The following TTK variants were observed in gnomAD, a reference collection of about 807,000 sequenced individuals.
TTK encodes TTK protein kinase.
TTK carries 59 observed loss-of-function variants against 117.3 expected under a neutral mutation model. That is an observed-to-expected ratio of 0.50 (90% CI 0.41 to 0.62). The LOEUF (loss-of-function observed/expected upper bound fraction) is 0.62, where lower values mean the gene tolerates loss of function less well. TTK is among the 20% of genes least tolerant of loss of function. The pLI is 0.00. For synonymous variants in TTK, 302 were observed against 325.0 expected (o/e 0.93, Z 0.76); for missense variants, 921 against 989.4 (o/e 0.93, Z 0.93).
chr6:80,038,822 G>T (rs113668845), intron 18 of TTK, among the ~76,000 whole-genome samples: 2,805 of 152,022 alleles, frequency 0.018, 36 homozygotes, highest in Non-Finnish European at 0.027. Context: ...ACTTTCTGTG[G>T]TTTTGTTCTT....
rs1219102759 is a variant in TTK, at chr6:80,035,277, A to G, written c.1784A>G (p.Asp595Gly). ...TTGTTTAATTGCAGTGAAATCACGG[A>G]CCAGTACATCTACATGGTAATGGAG... ...IIRLYDYEIT[D>G]QYIYMVMECG... Residue 595 changes from aspartate (D) to glycine (G), a missense_variant, in exon 16 of 22, where the codon GAC (aspartate) becomes GGC (glycine). Physicochemically the swap from Asp to Gly is moderately conservative, Grantham distance 94 (BLOSUM62 -1). Transcript: ENST00000369798. 3 of 1,597,062 alleles carry G rather than the reference A, an allele frequency of 1.9e-6. No homozygotes were observed. The highest frequency in any genetic ancestry group is 1.8e-5 in the Admixed American group (1 of 55,686).
At chr6:80,028,039 T>A (rs1021328986) in intron 13 of TTK, 28 bp downstream of exon 13, 3 of 1,565,748 alleles carry the variant, frequency 1.9e-6, no homozygotes, top group Non-Finnish European at 2.6e-6. Context: ...TATGATGGTA[T>A]ATGTTAAGAT....
chr6:80,024,509 A>G (rs1160554063), intron 11 of TTK, among the ~76,000 whole-genome samples: 2 of 152,204 alleles, frequency 1.3e-5, no homozygotes, highest in African/African-American at 4.8e-5. Flanking sequence ...AAAAGCCCAT[A>G]TATTTTATGA....
At chr6:80,029,675 G>T (rs920435839) in intron 13 of TTK, among the ~76,000 whole-genome samples, 2 of 152,180 alleles carry the variant, frequency 1.3e-5, no homozygotes, top group Non-Finnish European at 2.9e-5. Flanking sequence ...GGTTTGCTGG[G>T]CCCTTAAGTT....
intron 14 of TTK, among the ~76,000 whole-genome samples, chr6:80,033,911 C>T (rs1003826042): frequency 1.3e-5 from 2 of 151,968 alleles, no homozygotes; most frequent in African/African-American, 4.8e-5. Flanking sequence ...TTAGTAGTAT[C>T]AAGGTATTGA....
intron 18 of TTK, 107 bp downstream of exon 18, chr6:80,038,154 T>A (rs1767956548): frequency 1.5e-6 from 1 of 687,316 alleles, no homozygotes. Flanking sequence ...TAAAACTTTT[T>A]AGGCCATTAC....
intron 19 of TTK, 136 bp downstream of exon 19, chr6:80,040,008 G>A (rs1482248246): frequency 9.8e-7 from 1 of 1,015,984 alleles, no homozygotes; most frequent in African/African-American, 1.7e-5. Flanking sequence ...CTTTGAAGAT[G>A]TTTTAAAGCT....
intron 10 of TTK, among the ~76,000 whole-genome samples, chr6:80,015,537 C>G (rs62405969): frequency 6.6e-6 from 1 of 152,066 alleles, no homozygotes; most frequent in Non-Finnish European, 1.5e-5. Context: ...TCCAATATCC[C>G]AAGAATGCCT....
Position 80,034,980 on chromosome 6 carries a change from TG to T in TTK, c.1615-4del. 6.5e-7 allele frequency: 1 copy of T among 1,546,652 alleles called. No individual in the cohort carries two copies. Among genetic ancestry groups the T allele is most frequent in the Non-Finnish European group, 8.7e-7 (1 of 1,151,232 alleles). ...TTCTAAACTTCTCTTTGTTCTACTC[TG>T]TAGGTATTTCAGGTGTTAAATGAAA... On this transcript the variant is annotated splice_polypyrimidine_tract_variant and splice_region_variant and intron_variant, in intron 14 of 21. Transcript: ENST00000369798.
At chr6:80,023,887 T>C (rs1767534710) in intron 11 of TTK, among the ~76,000 whole-genome samples, 1 of 152,206 alleles carries the variant, frequency 6.6e-6, no homozygotes, top group Non-Finnish European at 1.5e-5. Context: ...TCTTAAGTAG[T>C]AGATGTAGAT....
chr6:80,006,454 T>C (rs1156702462), intron 2 of TTK, among the ~76,000 whole-genome samples: 2 of 152,206 alleles, frequency 1.3e-5, no homozygotes, highest in Non-Finnish European at 2.9e-5. Flanking sequence ...GTTTTAGTGT[T>C]AAGCAAAATC....
intron 1 of TTK, among the ~76,000 whole-genome samples, chr6:80,005,095 T>C (rs1046047439): frequency 6.6e-6 from 1 of 152,048 alleles, no homozygotes; most frequent in Non-Finnish European, 1.5e-5. Context: ...AGAGGTGGAG[T>C]GATACCTTGC....
At chr6:80,025,296 TAAATG>T (rs1335961733) in intron 11 of TTK, among the ~76,000 whole-genome samples, 1 of 152,294 alleles carries the variant, frequency 6.6e-6, no homozygotes, top group Non-Finnish European at 1.5e-5. Flanking sequence ...CACGAAGTCT[TAAATG>T]AGAGGGAAAA....
intron 10 of TTK, among the ~76,000 whole-genome samples, chr6:80,020,666 A>G (rs758581069): frequency 5.3e-5 from 8 of 152,222 alleles, no homozygotes; most frequent in Non-Finnish European, 1.2e-4. Flanking sequence ...AAGAGCTCAC[A>G]TGCTTTCTCC....
intron 18 of TTK, 40 bp downstream of exon 18, chr6:80,038,087 A>G (rs376121628): frequency 2.3e-5 from 33 of 1,423,088 alleles, no homozygotes; most frequent in Non-Finnish European, 3.1e-5. Context: ...ATCTGGCAAC[A>G]GTAGGGAATG....
chr6:80,005,697 T>C, intron 1 of TTK, 145 bp from the exon 2 acceptor site: 1 of 800,346 alleles, frequency 1.2e-6, no homozygotes, highest in African/African-American at 1.8e-5. Flanking sequence ...TGCACTTACC[T>C]CCATTAATAC....
chr6:80,038,081 G>T, intron 18 of TTK, 34 bp downstream of exon 18: 1 of 1,457,072 alleles, frequency 6.9e-7, no homozygotes, highest in South Asian at 1.2e-5. Context: ...ACAATTATCT[G>T]GCAACAGTAG....
Position 80,011,501 on chromosome 6 carries a change from C to T in TTK, c.681C>T (p.Asn227=). The part of the protein sequence containing the change: ...GSLGHLQNRN[N]SCDSRGQTTK... ...TTGGGCATTTACAGAATAGGAACAA[C>T]AGTTGTGATTCCAGAGGACAGACTA... Residue 227 remains asparagine (N), a synonymous_variant, in exon 6 of 22, where the codon AAC becomes AAT. Coordinates refer to ENST00000369798, the MANE Select transcript of TTK (RefSeq NM_003318.5). 5.0e-6 allele frequency: 8 copies of T among 1,610,408 alleles called. No individual in the cohort carries two copies. Among genetic ancestry groups the T allele is most frequent in the Non-Finnish European group, 6.8e-6 (8 of 1,178,482 alleles).
In TTK at chr6:80,031,612, T is replaced by A; in HGVS notation, c.1614+53T>A. 7 of 1,314,032 alleles carry A rather than the reference T, an allele frequency of 5.3e-6. 1 individual carries two copies. The highest frequency in any genetic ancestry group is 5.7e-5 in the Admixed American group (2 of 35,154). The allele number at this position is 1,314,032 out of a possible 1,614,324, so 81.4% of individuals were successfully genotyped here. On this transcript the variant is annotated intron_variant, in intron 14 of 21. Transcript: ENST00000369798. Reference sequence around the variant, plus strand: ...AAATAAAAATATTTTAAACTTTCTGTTTTTTTGTCTTTTTACCTGTGAGGG... The same window carrying A: ...AAATAAAAATATTTTAAACTTTCTGATTTTTTGTCTTTTTACCTGTGAGGG...
Sources: gnomAD v4.1 joint callset for allele counts (sites outside exome capture counted in the v4.1 genomes callset) on GRCh38, gnomAD v4.1.1 for gene constraint, MANE v1.5 for transcripts, NCBI Gene and HGNC (gene_info 2026-07-23, HGNC 2026-07-21) for gene names.